The following NOTCH4 variants were observed in gnomAD, a reference collection of about 807,000 sequenced individuals.
The protein encoded by NOTCH4 is notch receptor 4, also known as neurogenic locus notch homolog protein 4.
Under a neutral mutation model 189.0 loss-of-function variants are expected in NOTCH4, and 138 were observed. That is an observed-to-expected ratio of 0.73 (90% CI 0.64 to 0.84). The LOEUF is 0.84. NOTCH4 is among the 40% of genes least tolerant of loss of function. The pLI is 0.00. For missense variants in NOTCH4, 2,286 were observed against 2,605.4 expected (o/e 0.88, Z 2.67); for synonymous variants, 942 against 1,032.8 (o/e 0.91, Z 1.69).
Position 32,221,078 on chromosome 6 carries a change from C to T in NOTCH4, c.699G>A (p.Leu233=). 1 of 1,613,194 alleles carries T rather than the reference C, an allele frequency of 6.2e-7. No homozygotes were observed. Among genetic ancestry groups the T allele is most frequent in the African/African-American group, 1.3e-5 (1 of 75,068 alleles). ...PVGQEGPRCE[L]RAGPCPPRGC... is the part of the protein sequence containing the mutation. ...CCCTAGGAGGGCAGGGTCCTGCCCGCAGCTCACAACGTGGACCCTCCTGCC... is the reference window on the plus strand; with the variant it reads ...CCCTAGGAGGGCAGGGTCCTGCCCGTAGCTCACAACGTGGACCCTCCTGCC... Residue 233 remains leucine (L), a synonymous_variant, in exon 4 of 30, where the codon CTG becomes CTA. Transcript: ENST00000375023. This position sits in a 1 kb window ranked among gnomAD's most constrained non-coding sequence, Gnocchi z 4.3.
chr6:32,222,414 G>T, intron 3 of NOTCH4, 97 bp downstream of exon 3: 4 of 1,113,562 alleles, frequency 3.6e-6, no homozygotes, highest in Non-Finnish European at 3.6e-6. Flanking sequence ...TCTTCAAAGG[G>T]CTTGCAGTTT....
Position 32,195,964 on chromosome 6 carries a change from G to A in NOTCH4, c.5485C>T (p.His1829Tyr). 1 of 1,596,554 alleles carries A rather than the reference G, an allele frequency of 6.3e-7. No homozygotes were observed. The change falls in exon 30 of 30, where the codon CAC (histidine) becomes TAC (tyrosine). Residue 1829 changes from histidine to tyrosine, a missense_variant. Physicochemically the swap from His to Tyr is moderately conservative, Grantham distance 83 (BLOSUM62 2). Coordinates refer to ENST00000375023, the MANE Select transcript of NOTCH4 (RefSeq NM_004557.4). This position sits in a 1 kb window ranked among gnomAD's most constrained non-coding sequence, Gnocchi z 5.4. ...GCCTCGCGGCCCGGCGTGGCTTTGT[G>A]ACGGGCCTCTGGTGGCCCAGCCCCT... Reference protein sequence around the residue: ...LEGAGPPEARHKATPGREAGP... With the variant: ...LEGAGPPEARYKATPGREAGP...
rs1788351110 is a variant in NOTCH4 at position 32,201,486 on chromosome 6, T to C, written c.3770A>G (p.Gln1257Arg). 1 of 1,507,904 alleles carries C rather than the reference T, an allele frequency of 6.6e-7. No individual in the cohort carries two copies. The highest frequency in any genetic ancestry group is 8.9e-7 in the Non-Finnish European group (1 of 1,129,166). 93.4% of individuals were successfully genotyped at this position (1,507,904 alleles called of 1,614,324 possible). ...GTTGTGGAAGTGATCATGGCAGTAC[T>C]GGTCATAGGCTGGACTGTGGGGTAA... ...TPPACTPAYD[Q>R]YCHDHFHNGH... The change falls in exon 22 of 30, where the codon CAG (glutamine) becomes CGG (arginine). Residue 1257 changes from glutamine (Q) to arginine (R), a missense_variant. Physicochemically the swap from Gln to Arg is conservative, Grantham distance 43 (BLOSUM62 1). This residue lies in a region of NOTCH4 where 1,903 missense variants were observed against 2,261.9 expected (regional missense o/e 0.84). Coordinates refer to ENST00000375023, the MANE Select transcript of NOTCH4 (RefSeq NM_004557.4). This position sits in a 1 kb window ranked among gnomAD's most constrained non-coding sequence, Gnocchi z 5.5.
rs755068112 is a variant in NOTCH4 at position 32,220,748 on chromosome 6, C to T, written c.922+8G>A. The T allele has an allele frequency of 2.5e-6, 4 of 1,613,864 alleles. No individual in the cohort carries two copies. The highest frequency in any genetic ancestry group is 2.2e-5 in the East Asian group (1 of 44,878). On this transcript the variant is annotated splice_region_variant and intron_variant, in intron 5 of 29. Transcript: ENST00000375023. ...ATGGGTGTCATGGATGTGGCTTAAA[C>T]AACTCACCTGTCCAGGTTTCTGGGC...
chr6:32,212,995 C>A lies in NOTCH4; in HGVS notation c.2439-84G>T. The A allele has an allele frequency of 7.3e-7, 1 of 1,376,260 alleles. No homozygotes were observed. Among genetic ancestry groups the A allele is most frequent in the Non-Finnish European group, 1.0e-6 (1 of 981,080 alleles). The allele number at this position is 1,376,260 out of a possible 1,614,324, so 85.3% of individuals were successfully genotyped here. A position where few individuals can be genotyped will look rare whatever the true frequency, so the allele number is the denominator to read the frequency against. On this transcript the variant is annotated intron_variant, in intron 15 of 29. Coordinates refer to ENST00000375023, the MANE Select transcript of NOTCH4 (RefSeq NM_004557.4). This position sits in a 1 kb window ranked among gnomAD's most constrained non-coding sequence, Gnocchi z 4.4. ...GTGTGTGATATTGTCGGGAGGCAAC[C>A]ACAGGGAGGTGGCAAGCCAGGAGGG... is the stretch of plus-strand genomic sequence containing the variant.
intron 8 of NOTCH4, among the ~76,000 whole-genome samples, chr6:32,218,638 A>G (rs926684219): frequency 6.6e-6 from 1 of 152,066 alleles, no homozygotes; most frequent in Non-Finnish European, 1.5e-5. Context: ...CAACCTCTGG[A>G]CCTTGGCTTC....
intron 12 of NOTCH4, 56 bp from the exon 13 acceptor site, chr6:32,214,311 C>T: frequency 6.3e-7 from 1 of 1,589,546 alleles, no homozygotes; most frequent in Non-Finnish European, 8.6e-7. Flanking sequence ...TTATGTTCCC[C>T]TCCCTGCTGC....
chr6:32,217,094 C>A lies in NOTCH4; in HGVS notation c.1739-27G>T. On this transcript the variant is annotated intron_variant, in intron 10 of 29. Transcript: ENST00000375023. The surrounding 1 kb of genome is among the most constrained non-coding windows in gnomAD (Gnocchi z 4.2). Reference sequence around the variant, plus strand: ...TGTGGCACAGCAGGAAGGTCAGGGACCTGCACGGATGTCTGCCTCCTGCTC... The same window carrying A: ...TGTGGCACAGCAGGAAGGTCAGGGAACTGCACGGATGTCTGCCTCCTGCTC... 1 of 1,613,100 alleles carries A rather than the reference C, an allele frequency of 6.2e-7. No homozygotes were observed. Among genetic ancestry groups the A allele is most frequent in the Non-Finnish European group, 8.5e-7 (1 of 1,180,030 alleles).
In NOTCH4 at chr6:32,213,190, T is replaced by C; in HGVS notation, c.2383A>G (p.Met795Val). ...RPGTFSCLCA[M>V]GFQGPRCEGK... Reference sequence around the variant, plus strand: ...TCACAGCGCGGGCCCTGGAAGCCCATGGCACAGAGGCAGGAGAAGGTGCCA... The same window carrying C: ...TCACAGCGCGGGCCCTGGAAGCCCACGGCACAGAGGCAGGAGAAGGTGCCA... Residue 795 changes from methionine to valine, a missense_variant, in exon 15 of 30, where the codon ATG becomes GTG. Met to Val is a conservative substitution (Grantham distance 21). Around this residue, in one of 2 missense-constraint regions of NOTCH4, gnomAD observed 1,903 missense variants for 2,261.9 expected, o/e 0.84. Transcript: ENST00000375023. 2 of 1,614,024 alleles carry C rather than the reference T, an allele frequency of 1.2e-6. No homozygotes were observed. Among genetic ancestry groups the C allele is most frequent in the East Asian group, 2.2e-5 (1 of 44,878 alleles).
Position 32,198,980 on chromosome 6 carries a change from T to C in NOTCH4, c.4481A>G (p.Gln1494Arg). The C allele has an allele frequency of 6.2e-7, 1 of 1,609,088 alleles. No homozygotes were observed. ...GGGCCGGCGTCGGTGGGGAGCTGAC[T>C]GAGTCCGAGGCCGTCGAGTGAAACC... ...PPGFTRRPRT[Q>R]SAPHRRRPPL... is the part of the protein sequence containing the mutation. Residue 1494 changes from glutamine (Q) to arginine (R), a missense_variant, in exon 24 of 30, where the codon CAG becomes CGG. By Grantham distance (43) the Gln-to-Arg change is conservative. This residue lies in a region of NOTCH4 where 1,903 missense variants were observed against 2,261.9 expected (regional missense o/e 0.84). Coordinates refer to ENST00000375023, the MANE Select transcript of NOTCH4 (RefSeq NM_004557.4). The surrounding 1 kb of genome is among the most constrained non-coding windows in gnomAD (Gnocchi z 5.5).
At position 32,223,909 on chromosome 6, in the gene NOTCH4, AG is replaced by A; in HGVS notation, c.19del (p.Leu7CysfsTer36). On this transcript the variant is annotated frameshift_variant, in exon 1 of 30. Transcript: ENST00000375023. LOFTEE classifies it high-confidence loss of function. ...CAGCAGCAGCAGCAGCAGCAGCAGCAGCAGTGAAGGGGGCTGCATTCCACAG... is the reference window on the plus strand; with the variant it reads ...CAGCAGCAGCAGCAGCAGCAGCAGCACAGTGAAGGGGGCTGCATTCCACAG... MQPPSL[L>X]LLLLLLLLLC... 1 of 1,595,544 alleles carries A rather than the reference AG, an allele frequency of 6.3e-7. No homozygotes were observed. The highest frequency in any genetic ancestry group is 8.5e-7 in the Non-Finnish European group (1 of 1,175,494).
In NOTCH4 at chr6:32,200,971, C is replaced by T. The variant is rs1788304739; in HGVS notation, c.4175G>A (p.Cys1392Tyr). ...VVVMGVDLSR[C>Y]GPDHPASRCP... Reference sequence around the variant, plus strand: ...GCGGGATGCCGGGTGGTCAGGGCCACAGCGGGACAAATCCACACCCATGAC... The same window carrying T: ...GCGGGATGCCGGGTGGTCAGGGCCATAGCGGGACAAATCCACACCCATGAC... Residue 1392 changes from cysteine (C) to tyrosine (Y), a missense_variant, in exon 23 of 30, where the codon TGT (cysteine) becomes TAT (tyrosine). Cys to Tyr is a radical substitution (Grantham distance 194). Coordinates refer to ENST00000375023, the MANE Select transcript of NOTCH4 (RefSeq NM_004557.4). The surrounding 1 kb of genome is among the most constrained non-coding windows in gnomAD (Gnocchi z 5.0). 6.3e-7 allele frequency: 1 copy of T among 1,593,592 alleles called. No homozygotes were observed. The highest frequency in any genetic ancestry group is 1.3e-5 in the African/African-American group (1 of 74,544).
chr6:32,208,220 A>G (rs957372906), intron 18 of NOTCH4, among the ~76,000 whole-genome samples: 1 of 152,194 alleles, frequency 6.6e-6, no homozygotes, highest in African/African-American at 2.4e-5. Flanking sequence ...ACTGTCTGAC[A>G]AGGGATTAAT....
At position 32,220,446 on chromosome 6, in the gene NOTCH4, C is replaced by T. The variant is rs745883985; in HGVS notation, c.1118G>A (p.Arg373Gln). ...TCAPGSTCID[R>Q]VGSFSCLCPP... ...GCAGAGGCAGGAGAAAGAGCCCACC[C>T]GGTCAATGCAGGTGGATCCCGGGGC... is the stretch of plus-strand genomic sequence containing the variant. The change falls in exon 6 of 30, where the codon CGG becomes CAG. Residue 373 changes from arginine to glutamine, a missense_variant. This residue lies in a region of NOTCH4 where 1,903 missense variants were observed against 2,261.9 expected (regional missense o/e 0.84). Transcript: ENST00000375023. 1.2e-5 allele frequency: 20 copies of T among 1,613,942 alleles called. No individual in the cohort carries two copies. The highest frequency in any genetic ancestry group is 6.6e-5 in the South Asian group (6 of 91,080).
rs183847780 is a variant in NOTCH4, at chr6:32,210,535, G to C, written c.2865+217C>G. ...TCTATCTGGAACGCAACAAAGGTCAGGACTCAGGCAGTGGGACAAAGGGTG... is the reference window on the plus strand; with the variant it reads ...TCTATCTGGAACGCAACAAAGGTCACGACTCAGGCAGTGGGACAAAGGGTG... On this transcript the variant is annotated intron_variant, in intron 18 of 29. Coordinates refer to ENST00000375023, the MANE Select transcript of NOTCH4 (RefSeq NM_004557.4). This position sits in a 1 kb window ranked among gnomAD's most constrained non-coding sequence, Gnocchi z 4.8. Among the ~76,000 whole-genome samples, 1 of 152,314 alleles carries C rather than the reference G, an allele frequency of 6.6e-6. No homozygotes were observed. The highest frequency in any genetic ancestry group is 6.5e-5 in the Admixed American group (1 of 15,300).
In NOTCH4 at chr6:32,203,895, G is replaced by C. The variant is rs1296929605; in HGVS notation, c.3119-13C>G. 6.5e-7 allele frequency: 1 copy of C among 1,548,410 alleles called. No individual in the cohort carries two copies. Among genetic ancestry groups the C allele is most frequent in the Admixed American group, 2.0e-5 (1 of 50,856 alleles). On this transcript the variant is annotated splice_polypyrimidine_tract_variant and intron_variant, in intron 19 of 29. Coordinates refer to ENST00000375023, the MANE Select transcript of NOTCH4 (RefSeq NM_004557.4). Reference sequence around the variant, plus strand: ...TCACACCACTGGCCTGTAATTATGGGGGAGATTAGATGTCACACACTGCAT... The same window carrying C: ...TCACACCACTGGCCTGTAATTATGGCGGAGATTAGATGTCACACACTGCAT...
intron 18 of NOTCH4, among the ~76,000 whole-genome samples, chr6:32,204,658 C>T (rs982618411): frequency 6.6e-6 from 1 of 152,226 alleles, no homozygotes; most frequent in African/African-American, 2.4e-5. Context: ...TTTGGTAAAA[C>T]CTTCCTCCCC....
At chr6:32,215,549 AT>A (rs1789348092) in intron 11 of NOTCH4, among the ~76,000 whole-genome samples, 164 bp from the exon 12 acceptor site, 1 of 152,100 alleles carries the variant, frequency 6.6e-6, no homozygotes, top group Non-Finnish European at 1.5e-5. Context: ...CCTTTAAGAT[AT>A]TGTTTAACTT....
At position 32,215,320 on chromosome 6, in the gene NOTCH4, G is replaced by A. The variant is rs1267030911; in HGVS notation, c.1927C>T (p.Gln643Ter). 1.9e-6 allele frequency: 3 copies of A among 1,609,704 alleles called. No individual in the cohort carries two copies. The highest frequency in any genetic ancestry group is 2.2e-5 in the South Asian group (2 of 90,056). ...LCQPKQICKD[Q>*]KDKANCLCPD... ...CAGAGGCAGTTGGCCTTGTCTTTCT[G>A]GTCCTTACATATCTGCTTGGGCTGG... The change falls in exon 12 of 30, where the codon CAG becomes TAG. Residue 643 changes from glutamine (Q) to a stop codon, truncating the protein, a stop_gained. Coordinates refer to ENST00000375023, the MANE Select transcript of NOTCH4 (RefSeq NM_004557.4). LOFTEE classifies it high-confidence loss of function.
Sources: gnomAD v4.1 joint callset for allele counts (sites outside exome capture counted in the v4.1 genomes callset) on GRCh38, gnomAD v4.1.1 for gene constraint, gnomAD v4.1.1 regional missense constraint, Gnocchi (gnomAD v3.1) non-coding constraint, MANE v1.5 for transcripts, NCBI Gene and HGNC (gene_info 2026-07-23, HGNC 2026-07-21) for gene names.